The following ACTR1A variants were observed in gnomAD, a reference collection of about 807,000 sequenced individuals.
ACTR1A encodes alpha-centractin.
In ACTR1A, 10 loss-of-function variants were observed where a neutral mutation model predicts 50.7. That is an observed-to-expected ratio of 0.20 (90% CI 0.12 to 0.33). The LOEUF is 0.33. Ranked by LOEUF, ACTR1A falls within the 10% of genes least tolerant of loss-of-function variation. The pLI is 1.00. For missense variants in ACTR1A, 253 were observed against 491.7 expected (o/e 0.51, Z 4.59); for synonymous variants, 177 against 184.2 (o/e 0.96, Z 0.32).
At chr10:102,493,949 G>A (rs542025225) in intron 1 of ACTR1A, among the ~76,000 whole-genome samples, 7 of 152,334 alleles carry the variant, frequency 4.6e-5, no homozygotes, top group South Asian at 2.1e-4. Flanking sequence ...CAGACCCAGC[G>A]TGTCCTTGCA....
chr10:102,502,562 G>C, intron 1 of ACTR1A, 38 bp downstream of exon 1: 1 of 1,610,396 alleles, frequency 6.2e-7, no homozygotes, highest in Non-Finnish European at 8.5e-7. Flanking sequence ...GAGGAGGAGA[G>C]CCCAAGTCCC....
At position 102,484,176 on chromosome 10, in the gene ACTR1A, A is replaced by G; in HGVS notation, c.641T>C (p.Val214Ala). 6.2e-7 allele frequency: 1 copy of G among 1,614,164 alleles called. No homozygotes were observed. Residue 214 changes from valine to alanine, a missense_variant, in exon 6 of 11, where the codon GTC (valine) becomes GCC (alanine). This residue lies in a region of ACTR1A where 116 missense variants were observed against 155.9 expected (regional missense o/e 0.74). Transcript: ENST00000369905. ...AGCACTTACTTCTTTTATGGCCTTG[A>G]CAATCTCAAACTCAGAGGATGAGTG... is the stretch of plus-strand genomic sequence containing the variant. Reference protein sequence around the residue: ...DFHSSSEFEIVKAIKERACYL... With the variant: ...DFHSSSEFEIAKAIKERACYL...
rs777189651 is a variant in ACTR1A at position 102,481,947 on chromosome 10, A to G, written c.926-49T>C. 6 of 1,613,754 alleles carry G rather than the reference A, an allele frequency of 3.7e-6. No homozygotes were observed. The Admixed American group carries it at 8.3e-5, about 22-fold the overall frequency. On this transcript the variant is annotated intron_variant, in intron 8 of 10. Coordinates refer to ENST00000369905, the MANE Select transcript of ACTR1A (RefSeq NM_005736.4). ...TCAAGTCAATTCTCAGGGTGCCTGG[A>G]GCCAGCAGGAGCTGAACACTTCCAG...
intron 1 of ACTR1A, among the ~76,000 whole-genome samples, chr10:102,491,851 T>C (rs568827086): frequency 5.1e-4 from 78 of 151,770 alleles, no homozygotes; most frequent in Admixed American, 8.5e-4. Flanking sequence ...CTGCAAGCTC[T>C]GCCTCCCAGG....
chr10:102,493,848 C>T (rs544334150), intron 1 of ACTR1A, among the ~76,000 whole-genome samples: 1 of 152,274 alleles, frequency 6.6e-6, no homozygotes, highest in South Asian at 2.1e-4. Flanking sequence ...AAGTATGGAA[C>T]CTGAATGACC....
rs375545720 is a variant in ACTR1A, at chr10:102,482,382, T to G, written c.751-207A>C. The stretch of plus-strand genomic sequence containing the variant: ...GAGGGGAGGCTCCTATATTTCCTTC[T>G]CGCTCTGGCATTTTCCAGCCAAGAG... On this transcript the variant is annotated intron_variant, in intron 7 of 10. Coordinates refer to ENST00000369905, the MANE Select transcript of ACTR1A (RefSeq NM_005736.4). This position sits in a 1 kb window ranked among gnomAD's most constrained non-coding sequence, Gnocchi z 5.6. 1.7e-6 allele frequency: 1 copy of G among 590,770 alleles called. No individual in the cohort carries two copies. Among genetic ancestry groups the G allele is most frequent in the African/African-American group, 1.9e-5 (1 of 53,854 alleles). The allele number at this position is 590,770 out of a possible 1,614,324, so 36.6% of individuals were successfully genotyped here. A position where few individuals can be genotyped will look rare whatever the true frequency, so the allele number is the denominator to read the frequency against.
intron 4 of ACTR1A, among the ~76,000 whole-genome samples, chr10:102,486,188 T>A (rs2062167352): frequency 6.6e-6 from 1 of 152,168 alleles, no homozygotes; most frequent in Non-Finnish European, 1.5e-5. Context: ...TAGATTCTCA[T>A]AGGAGTGTGA....
intron 4 of ACTR1A, among the ~76,000 whole-genome samples, chr10:102,487,102 G>C (rs1189630825): frequency 6.6e-6 from 1 of 151,978 alleles, no homozygotes; most frequent in Admixed American, 6.6e-5. Context: ...TTTTTGAATG[G>C]AGAGTTACTT....
At chr10:102,491,721 T>G (rs1589963086) in intron 1 of ACTR1A, among the ~76,000 whole-genome samples, 1 of 152,314 alleles carries the variant, frequency 6.6e-6, no homozygotes, top group Non-Finnish European at 1.5e-5. Context: ...ACCAACCCTG[T>G]GCAGGACAGA....
intron 4 of ACTR1A, among the ~76,000 whole-genome samples, chr10:102,486,794 T>C (rs2062170349): frequency 6.6e-6 from 1 of 151,324 alleles, no homozygotes; most frequent in African/African-American, 2.4e-5. Flanking sequence ...TTCTTTCTTT[T>C]TTTTTTTTTG....
intron 1 of ACTR1A, among the ~76,000 whole-genome samples, chr10:102,493,723 G>T (rs1230920513): frequency 1.3e-5 from 2 of 152,170 alleles, no homozygotes; most frequent in Non-Finnish European, 2.9e-5. Context: ...CTTTTCAGTT[G>T]AAGTTCCTTA....
At chr10:102,500,568 A>AAAACAAACAAAC (rs1164496543) in intron 1 of ACTR1A, among the ~76,000 whole-genome samples, 2 of 99,096 alleles carry the variant, frequency 2.0e-5, no homozygotes, top group Non-Finnish European at 4.2e-5. Flanking sequence ...CTCCGTCTCA[A>AAAACAAACAAAC]AAACAAACAA....
At chr10:102,497,557 A>C (rs2062228245) in intron 1 of ACTR1A, among the ~76,000 whole-genome samples, 1 of 152,046 alleles carries the variant, frequency 6.6e-6, no homozygotes, top group Admixed American at 6.6e-5. Flanking sequence ...ACTGCACTCT[A>C]ATCTGGGTGA....
intron 1 of ACTR1A, 41 bp from the exon 2 acceptor site, chr10:102,490,654 CAAATACA>C: frequency 7.2e-7 from 1 of 1,398,380 alleles, no homozygotes; most frequent in Admixed American, 1.7e-5. Context: ...AGAACTATCA[CAAATACA>C]AAAGGAAAAA....
At chr10:102,495,739 A>C (rs908438751) in intron 1 of ACTR1A, among the ~76,000 whole-genome samples, 1 of 147,576 alleles carries the variant, frequency 6.8e-6, no homozygotes, top group African/African-American at 2.5e-5. Context: ...AAAATAAATA[A>C]ATAAATAAAT....
intron 1 of ACTR1A, among the ~76,000 whole-genome samples, chr10:102,491,971 G>T (rs1164724310): frequency 1.4e-5 from 2 of 143,580 alleles, no homozygotes; most frequent in African/African-American, 5.2e-5. Context: ...GGGTTTCACC[G>T]TGTTAGCCAG....
intron 1 of ACTR1A, among the ~76,000 whole-genome samples, chr10:102,495,514 A>C (rs2062215688): frequency 6.6e-6 from 1 of 151,030 alleles, no homozygotes; most frequent in Non-Finnish European, 1.5e-5. Context: ...GCTTGTAGTG[A>C]GCAGACATTG....
rs747848890 is a variant in ACTR1A at position 102,502,671 on chromosome 10, G to A, written c.-24C>T. 6 of 1,613,460 alleles carry A rather than the reference G, an allele frequency of 3.7e-6. No homozygotes were observed. In the African/African-American group the frequency reaches 6.7e-5, roughly 18 times the overall value. ...ATGGCAGAGGAATCTCTCCTTCTGG[G>A]GAAGGAACTGCCCAGCCGGGTCCGC... On this transcript the variant is annotated 5_prime_UTR_variant, in exon 1 of 11. Coordinates refer to ENST00000369905, the MANE Select transcript of ACTR1A (RefSeq NM_005736.4).
chr10:102,500,956 A>G (rs2062248004), intron 1 of ACTR1A, among the ~76,000 whole-genome samples: 1 of 151,486 alleles, frequency 6.6e-6, no homozygotes. Context: ...CTGCAGCCCC[A>G]GCTACTCGGG....
Sources: gnomAD v4.1 joint callset for allele counts (sites outside exome capture counted in the v4.1 genomes callset) on GRCh38, gnomAD v4.1.1 for gene constraint, gnomAD v4.1.1 regional missense constraint, Gnocchi (gnomAD v3.1) non-coding constraint, MANE v1.5 for transcripts, NCBI Gene and HGNC (gene_info 2026-07-23, HGNC 2026-07-21) for gene names.